The following TPTE variants were observed in gnomAD, a reference collection of about 807,000 sequenced individuals.
TPTE encodes the protein putative tyrosine-protein phosphatase TPTE.
A neutral mutation model predicts 84.1 loss-of-function variants in TPTE; 59 were observed. The observed-to-expected ratio is 0.70, with a 90% CI of 0.57 to 0.87. TPTE has a LOEUF of 0.87. Ranked by LOEUF, TPTE falls within the 40% of genes least tolerant of loss-of-function variation. The probability of loss-of-function intolerance (pLI) is 0.00; values close to 1 mark genes in which losing one functional copy is unlikely to be tolerated. For missense variants in TPTE, 382 were observed against 659.6 expected (o/e 0.58, Z 4.61); for synonymous variants, 130 against 223.5 (o/e 0.58, Z 3.73).
At chr21:10,566,694 C>T (rs210524) in intron 10 of TPTE, among the ~76,000 whole-genome samples, 28,361 of 144,398 alleles carry the variant, frequency 0.2, 54 homozygotes, top group African/African-American at 0.44. Context: ...AATAAGAACC[C>T]GGCCAAGTGC....
chr21:10,559,936 A>C (rs1179235895), intron 9 of TPTE, among the ~76,000 whole-genome samples: 2 of 152,026 alleles, frequency 1.3e-5, no homozygotes, highest in African/African-American at 2.4e-5. Flanking sequence ...ATATATACAT[A>C]TATATATATG....
chr21:10,565,404 T>C (rs1431083145), intron 10 of TPTE, among the ~76,000 whole-genome samples: 2 of 152,306 alleles, frequency 1.3e-5, no homozygotes, highest in African/African-American at 2.4e-5. Flanking sequence ...ATTGGAAGAA[T>C]CAATATTGTT....
chr21:10,577,456 T>A lies in TPTE; in HGVS notation c.796-4T>A, dbSNP rs749988113. 6.2e-7 allele frequency: 1 copy of A among 1,614,042 alleles called. No homozygotes were observed. Among genetic ancestry groups the A allele is most frequent in the South Asian group, 1.1e-5 (1 of 91,080 alleles). ...TATGTAAGATATGTGTTTGTCTTTT[T>A]TAGGAAGTTGTGCGGTTTCTAGATA... On this transcript the variant is annotated splice_region_variant and splice_polypyrimidine_tract_variant and intron_variant, in intron 14 of 23. Transcript: ENST00000618007.
At chr21:10,582,726 A>T (rs571492170) in intron 17 of TPTE, among the ~76,000 whole-genome samples, 7 of 152,274 alleles carry the variant, frequency 4.6e-5, no homozygotes, top group African/African-American at 1.7e-4. Context: ...TATTGTGATG[A>T]ATTATGTTTT....
chr21:10,564,611 T>A (rs1458690477), intron 10 of TPTE, among the ~76,000 whole-genome samples: 1 of 152,306 alleles, frequency 6.6e-6, no homozygotes, highest in Admixed American at 6.5e-5. Context: ...AACAAGATAC[T>A]AGAAAACTGA....
intron 8 of TPTE, among the ~76,000 whole-genome samples, chr21:10,555,014 C>T (rs1440712599): frequency 6.6e-6 from 1 of 152,312 alleles, no homozygotes; most frequent in African/African-American, 2.4e-5. Flanking sequence ...AAAATGTGTC[C>T]AGTGGGAGAG....
intron 7 of TPTE, among the ~76,000 whole-genome samples, chr21:10,549,933 C>T (rs1848220): frequency 2.6e-5 from 4 of 152,304 alleles, no homozygotes; most frequent in East Asian, 1.9e-4. Flanking sequence ...AAGTAACACA[C>T]TTATAATGGA....
At chr21:10,585,904 G>C (rs1277010390) in intron 17 of TPTE, among the ~76,000 whole-genome samples, 6 of 152,416 alleles carry the variant, frequency 3.9e-5, no homozygotes, top group East Asian at 1.9e-4. Flanking sequence ...TACCATTTTA[G>C]TGTCTGCAGA....
intron 14 of TPTE, among the ~76,000 whole-genome samples, chr21:10,575,388 G>A (rs1360400944): frequency 2.0e-5 from 3 of 152,308 alleles, no homozygotes; most frequent in Non-Finnish European, 4.4e-5. Context: ...CCTGGTGGGA[G>A]GGGCAGCTGC....
chr21:10,543,429 G>C, intron 7 of TPTE, 47 bp downstream of exon 7: 3 of 1,612,314 alleles, frequency 1.9e-6, no homozygotes, highest in Non-Finnish European at 2.5e-6. Flanking sequence ...AGAGTGCATA[G>C]AGCTATACAC....
intron 17 of TPTE, among the ~76,000 whole-genome samples, chr21:10,586,580 C>G (rs2075370130): frequency 1.3e-5 from 2 of 152,300 alleles, no homozygotes; most frequent in Non-Finnish European, 1.5e-5. Context: ...CTATTTAACT[C>G]TTCTGTTTTC....
At chr21:10,547,617 A>G (rs1298048823) in intron 7 of TPTE, among the ~76,000 whole-genome samples, 2 of 152,308 alleles carry the variant, frequency 1.3e-5, no homozygotes, top group African/African-American at 2.4e-5. Context: ...AAGCTGCAGC[A>G]ACACAGCACC....
intron 9 of TPTE, among the ~76,000 whole-genome samples, chr21:10,560,785 TTACTA>T (rs1297882580): frequency 5.9e-5 from 9 of 152,306 alleles, no homozygotes; most frequent in South Asian, 2.1e-4. Flanking sequence ...TCTGATGTGT[TTACTA>T]TAATATCTTG....
At chr21:10,549,445 T>C (rs543170109) in intron 7 of TPTE, among the ~76,000 whole-genome samples, 175 of 152,346 alleles carry the variant, frequency 1.1e-3, no homozygotes, top group Non-Finnish European at 2.1e-3. Context: ...GTAATACAGA[T>C]AGACAAGTCA....
chr21:10,597,920 A>AT (rs1302555689), intron 20 of TPTE, 95 bp from the exon 21 acceptor site: 167 of 1,485,184 alleles, frequency 1.1e-4, no homozygotes, highest in Middle Eastern at 3.5e-4. Flanking sequence ...AGCTTGGATA[A>AT]TTTTTTCTCA....
chr21:10,604,078 T>C (rs1009820810), intron 23 of TPTE, among the ~76,000 whole-genome samples: 1 of 152,312 alleles, frequency 6.6e-6, no homozygotes, highest in African/African-American at 2.4e-5. Flanking sequence ...CACACTTATA[T>C]CTAGGAGAAG....
chr21:10,545,858 C>G (rs1346770651), intron 7 of TPTE, among the ~76,000 whole-genome samples: 2 of 151,818 alleles, frequency 1.3e-5, no homozygotes, highest in African/African-American at 2.4e-5. Context: ...TATTCTTTAG[C>G]ACTAACCCAA....
At chr21:10,587,119 T>A (rs1481324586) in intron 17 of TPTE, among the ~76,000 whole-genome samples, 1 of 152,310 alleles carries the variant, frequency 6.6e-6, no homozygotes, top group Non-Finnish European at 1.5e-5. Flanking sequence ...ATATGATAAA[T>A]TGCATTAATA....
chr21:10,570,383 T>C (rs2075017680), intron 13 of TPTE, 102 bp from the exon 14 acceptor site: 1 of 1,584,796 alleles, frequency 6.3e-7, no homozygotes, highest in Non-Finnish European at 8.6e-7. Context: ...TAAAAGGTTT[T>C]TTTTCTGTGA....
Sources: gnomAD v4.1 joint callset for allele counts (sites outside exome capture counted in the v4.1 genomes callset) on GRCh38, gnomAD v4.1.1 for gene constraint, MANE v1.5 for transcripts, NCBI Gene and HGNC (gene_info 2026-07-23, HGNC 2026-07-21) for gene names.